Variants in ANKRD26 observed in about 807,000 individuals in gnomAD.
ANKRD26 encodes ankyrin repeat domain-containing protein 26.
ANKRD26 carries 141 observed loss-of-function variants against 208.7 expected under a neutral mutation model. That is an observed-to-expected ratio of 0.68 (90% CI 0.59 to 0.78). The LOEUF (loss-of-function observed/expected upper bound fraction) is 0.78. Among genes scored for constraint, ANKRD26 ranks in the 30% least tolerant of loss-of-function variants. ANKRD26 has a pLI of 0.00. For missense variants in ANKRD26, 1,889 were observed against 1,938.7 expected, an observed-to-expected ratio of 0.97 and a Z score of 0.48; for synonymous variants, 636 against 660.4, an observed-to-expected ratio of 0.96 and a Z score of 0.57.
the ANKRD26 span, among the ~76,000 whole-genome samples, chr10:26,959,666 G>A: frequency 9.5e-5 from 14 of 147,184 alleles, no homozygotes; most frequent in East Asian, 2.4e-3. Context: ...TTTTAGTAGA[G>A]ACGGGGTTTC....
At chr10:26,971,972 A>T (rs545903465), downstream of ANKRD26, among the ~76,000 whole-genome samples, 27 of 152,288 alleles carry the variant, frequency 1.8e-4, no homozygotes, top group Admixed American at 4.6e-4. Flanking sequence ...GCAGTGGCTC[A>T]CGCCTGTAAT....
At chr10:27,046,885 G>C (rs1030225351) in intron 17 of ANKRD26, among the ~76,000 whole-genome samples, 1 of 152,004 alleles carries the variant, frequency 6.6e-6, no homozygotes, top group Admixed American at 6.6e-5. Context: ...CAAAATAGAG[G>C]AGTTCATGAG....
chr10:27,015,046 T>G lies in ANKRD26; in HGVS notation c.4507-335A>C, dbSNP rs143592873. On this transcript the variant is annotated intron_variant, in intron 30 of 33. Transcript: ENST00000376087. Reference sequence around the variant, plus strand: ...ATAGAAAATAAAAAATTATAATTGGTAACATAAGGAAAACCTAAGAAAGAA... The same window carrying G: ...ATAGAAAATAAAAAATTATAATTGGGAACATAAGGAAAACCTAAGAAAGAA... Among the ~76,000 whole-genome samples, 685 of 152,256 alleles carry G rather than the reference T, an allele frequency of 4.5e-3. 5 individuals are homozygous for G. Among genetic ancestry groups the G allele is most frequent in the Non-Finnish European group, 8.0e-3 (543 of 68,024 alleles).
intron 2 of ANKRD26, 59 bp from the exon 3 acceptor site, chr10:27,093,581 C>A: frequency 6.2e-7 from 1 of 1,602,308 alleles, no homozygotes; most frequent in South Asian, 1.1e-5. Flanking sequence ...ATAAACACTC[C>A]ACAGGTTTCA....
rs1271436495 is a variant in ANKRD26 at position 27,060,436 on chromosome 10, A to G, written c.1492-19T>C. 36 of 1,591,884 alleles carry G rather than the reference A, an allele frequency of 2.3e-5. No individual in the cohort carries two copies. Among genetic ancestry groups the G allele is most frequent in the Non-Finnish European group, 2.8e-5 (32 of 1,160,116 alleles). On this transcript the variant is annotated intron_variant, in intron 14 of 33. Transcript: ENST00000376087. ...TGGTAGGCTGAATGGGTTTTGAAAC[A>G]AAATGATTAATAAATAATGTATACT...
intron 1 of ANKRD26, among the ~76,000 whole-genome samples, chr10:27,094,378 T>G (rs1031594217): frequency 6.6e-6 from 1 of 152,184 alleles, no homozygotes; most frequent in Non-Finnish European, 1.5e-5. Context: ...ACCACATTAA[T>G]GAAAGAGCAA....
At chr10:27,028,490 G>A (rs368646597) in intron 27 of ANKRD26, among the ~76,000 whole-genome samples, 2 of 150,292 alleles carry the variant, frequency 1.3e-5, no homozygotes, top group African/African-American at 2.5e-5. Flanking sequence ...CCAGCTACTC[G>A]GGAGGCTGAG....
At chr10:27,052,283 G>A (rs2054689675) in intron 16 of ANKRD26, 1 of 600,482 alleles carries the variant, frequency 1.7e-6, no homozygotes, top group Non-Finnish European at 2.1e-6. Flanking sequence ...GCCTAAAATA[G>A]GAGAAAAACA....
intron 24 of ANKRD26, 96 bp downstream of exon 24, chr10:27,034,700 T>A: frequency 1.3e-6 from 1 of 768,920 alleles, no homozygotes; most frequent in East Asian, 2.7e-5. Flanking sequence ...GTAAATAAGC[T>A]TATCTATTTA....
Position 27,096,673 on chromosome 10 carries a change from C to T in ANKRD26, c.243-2874G>A, listed in dbSNP as rs570889449. 6.3e-5 allele frequency among the ~76,000 whole-genome samples: 9 copies of T among 142,582 alleles called. No individual in the cohort carries two copies. The East Asian group carries it at 1.5e-3, about 24-fold the overall frequency. 93.5% of individuals were successfully genotyped at this position (142,582 alleles called of 152,430 possible). On this transcript the variant is annotated intron_variant, in intron 1 of 33. Coordinates refer to ENST00000376087, the MANE Select transcript of ANKRD26 (RefSeq NM_014915.3). The stretch of plus-strand genomic sequence containing the variant: ...CCCAGCTGTTTGGGAGGCTGAGGCA[C>T]GAGAATTGCTTGAACCTGGGAGGAG...
chr10:27,023,470 CA>C (rs1352888225), intron 28 of ANKRD26, among the ~76,000 whole-genome samples: 30 of 148,808 alleles, frequency 2.0e-4, no homozygotes, highest in Admixed American at 4.0e-4. Context: ...AAAGTACACA[CA>C]AAAAACATCA....
At chr10:26,996,447 C>A (rs1323903245) in intron 4 of ANKRD26, among the ~76,000 whole-genome samples, 1 of 152,180 alleles carries the variant, frequency 6.6e-6, no homozygotes, top group East Asian at 1.9e-4. Context: ...GTAATCACAG[C>A]TACTCAGGAG....
In ANKRD26 at chr10:27,100,431, A is replaced by C. The variant is rs1006771359; in HGVS notation, c.-105T>G. On this transcript the variant is annotated 5_prime_UTR_variant, in exon 1 of 34. Coordinates refer to ENST00000376087, the MANE Select transcript of ANKRD26 (RefSeq NM_014915.3). ...AGCCCCGGCTGGCCGCAGCCTCCCA[A>C]AGGAAACTCCGCGGTTTCCAATCTC... 2 of 1,515,152 alleles carry C rather than the reference A, an allele frequency of 1.3e-6. No individual in the cohort carries two copies. The highest frequency in any genetic ancestry group is 1.2e-5 in the South Asian group (1 of 82,610). The allele number at this position is 1,515,152 out of a possible 1,614,324, so 93.9% of individuals were successfully genotyped here. A position where few individuals can be genotyped will look rare whatever the true frequency, so the allele number is the denominator to read the frequency against.
Position 27,082,826 on chromosome 10 carries a change from T to C in ANKRD26, c.717A>G (p.Glu239=). ...ACCTGCTTAAGGAGTCTTCAGAGCT[T>C]TCATCCACTATTAAAGAGAAAAGTA... The part of the protein sequence containing the change: ...HSSQNSNSVD[E]SSEDSLSRLS... Residue 239 remains glutamate (E), a synonymous_variant, in exon 6 of 34, where the codon GAA becomes GAG. Coordinates refer to ENST00000376087, the MANE Select transcript of ANKRD26 (RefSeq NM_014915.3). The C allele has an allele frequency of 6.3e-7, 1 of 1,590,434 alleles. No homozygotes were observed.
At chr10:26,948,011 G>A in the ANKRD26 span, among the ~76,000 whole-genome samples, 4 of 152,202 alleles carry the variant, frequency 2.6e-5, no homozygotes, top group Non-Finnish European at 5.9e-5. Flanking sequence ...TCGTGATCTC[G>A]GCTCACTGCG....
At chr10:27,090,867 G>A (rs542187144) in intron 4 of ANKRD26, among the ~76,000 whole-genome samples, 20 of 152,300 alleles carry the variant, frequency 1.3e-4, no homozygotes, top group African/African-American at 4.8e-4. Flanking sequence ...AGGCCAAGAT[G>A]GGTGGATCAC....
the ANKRD26 span, among the ~76,000 whole-genome samples, chr10:26,960,139 A>T: frequency 1.3e-5 from 2 of 151,242 alleles, no homozygotes; most frequent in Non-Finnish European, 2.9e-5. Context: ...ACAGAGCAAG[A>T]CCTTGTCTCC....
chr10:27,034,158 CA>C (rs1189851302), intron 24 of ANKRD26, among the ~76,000 whole-genome samples: 1 of 152,144 alleles, frequency 6.6e-6, no homozygotes. Flanking sequence ...TGCTAAAATT[CA>C]CATTTGTCCC....
In ANKRD26 at chr10:27,029,273, C is replaced by T; in HGVS notation, c.3878+13G>A. 1 of 1,605,606 alleles carries T rather than the reference C, an allele frequency of 6.2e-7. No homozygotes were observed. Reference sequence around the variant, plus strand: ...AATAATCATGTTTTTCTGTGTGCTGCTTTAAATTTTACTTTTGCTTGTGAT... The same window carrying T: ...AATAATCATGTTTTTCTGTGTGCTGTTTTAAATTTTACTTTTGCTTGTGAT... On this transcript the variant is annotated intron_variant, in intron 26 of 33. Coordinates refer to ENST00000376087, the MANE Select transcript of ANKRD26 (RefSeq NM_014915.3).
Sources: allele counts gnomAD v4.1 joint callset (sites outside exome capture counted in the v4.1 genomes callset), GRCh38; gene constraint gnomAD v4.1.1; transcripts MANE v1.5; gene names NCBI Gene and HGNC (gene_info 2026-07-23, HGNC 2026-07-21).